The following NUP205 variants were observed in gnomAD, a reference collection of about 807,000 sequenced individuals.
NUP205 encodes nuclear pore complex protein Nup205.
A neutral mutation model predicts 253.8 loss-of-function variants in NUP205; 76 were observed. The observed-to-expected ratio is 0.30, with a 90% CI of 0.25 to 0.36. The LOEUF (loss-of-function observed/expected upper bound fraction) is 0.36. Among genes scored for constraint, NUP205 ranks in the 10% least tolerant of loss-of-function variants. The pLI is 1.00. For missense variants in NUP205, 2,162 were observed against 2,425.5 expected (o/e 0.89, Z 2.28); for synonymous variants, 832 against 850.1 (o/e 0.98, Z 0.37).
chr7:135,588,901 G>A (rs1806545752), intron 10 of NUP205, among the ~76,000 whole-genome samples: 1 of 151,290 alleles, frequency 6.6e-6, no homozygotes, highest in African/African-American at 2.4e-5. Flanking sequence ...AAAATGAATT[G>A]CTATGCAGTA....
chr7:135,575,310 C>T (rs1584642823), intron 3 of NUP205, among the ~76,000 whole-genome samples: 1 of 152,150 alleles, frequency 6.6e-6, no homozygotes, highest in East Asian at 1.9e-4. Flanking sequence ...AGTAAGCATA[C>T]ATCAGGTGGA....
chr7:135,623,013 C>T, intron 31 of NUP205, 88 bp downstream of exon 31: 2 of 1,366,208 alleles, frequency 1.5e-6, no homozygotes, highest in South Asian at 1.3e-5. Context: ...TGTGGTGCCT[C>T]ATGCCTGTAA....
At chr7:135,605,512 C>CAAA (rs1794068781) in intron 19 of NUP205, among the ~76,000 whole-genome samples, 1 of 152,166 alleles carries the variant, frequency 6.6e-6, no homozygotes, top group African/African-American at 2.4e-5. Flanking sequence ...CCACTTATTT[C>CAAA]TAAGTTCCCT....
rs762700289 is a variant in NUP205, at chr7:135,617,121, G to A, written c.3564G>A (p.Ser1188=). 12 of 1,612,112 alleles carry A rather than the reference G, an allele frequency of 7.4e-6. No homozygotes were observed. The highest frequency in any genetic ancestry group is 4.0e-5 in the African/African-American group (3 of 74,714). The change falls in exon 26 of 43, where the codon TCG becomes TCA. Residue 1188 remains serine (S), a synonymous_variant. Coordinates refer to ENST00000285968, the MANE Select transcript of NUP205 (RefSeq NM_015135.3). ...GAAAAATTCTAAATATTCTTGACTC[G>A]ATTGACTTCAGTCAGGAGATCCCTG... ...VRRKILNILD[S]IDFSQEIPEP... is the part of the protein sequence containing the mutation.
intron 18 of NUP205, among the ~76,000 whole-genome samples, 160 bp downstream of exon 18, chr7:135,603,154 C>T (rs1407397497): frequency 5.4e-5 from 7 of 129,408 alleles, no homozygotes; most frequent in East Asian, 2.3e-4. Context: ...CTCGCTCTGT[C>T]GTCCAGGCTA....
intron 28 of NUP205, 24 bp downstream of exon 28, chr7:135,618,627 T>C (rs1390909431): frequency 1.3e-6 from 2 of 1,522,538 alleles, no homozygotes; most frequent in Middle Eastern, 1.8e-4. Context: ...TAAAATACTT[T>C]ATACTGCTGA....
Position 135,643,806 on chromosome 7 carries a change from G to T in NUP205, c.5559+448G>T, listed in dbSNP as rs140696873. 1.3e-3 allele frequency among the ~76,000 whole-genome samples: 196 copies of T among 152,276 alleles called. 2 individuals carry two copies. In the East Asian group the frequency reaches 0.026, roughly 20 times the overall value. On this transcript the variant is annotated intron_variant, in intron 39 of 42. Coordinates refer to ENST00000285968, the MANE Select transcript of NUP205 (RefSeq NM_015135.3). ...CCCAGAAGCATTCCCTCTACTTACA[G>T]TATTAATAACTAAAGATGCTGCATT...
In NUP205 at chr7:135,574,132, C is replaced by T. The variant is rs189269097; in HGVS notation, c.343+307C>T. Among the ~76,000 whole-genome samples the T allele has an allele frequency of 2.0e-5, 3 of 152,086 alleles. No individual in the cohort carries two copies. In the East Asian group the frequency reaches 5.8e-4, roughly 29 times the overall value. ...AGATTACAGGCATGTGCCACCATGC[C>T]CGGCTATCCTTTCTTAACCTTTGAT... On this transcript the variant is annotated intron_variant, in intron 3 of 42. Transcript: ENST00000285968.
rs1437864414 is a variant in NUP205 at position 135,576,413 on chromosome 7, A to G, written c.487A>G (p.Ser163Gly). The G allele has an allele frequency of 1.9e-6, 3 of 1,604,360 alleles. No homozygotes were observed. The South Asian group carries it at 3.4e-5, about 18-fold the overall frequency. ...RRGKTWTLEL[S>G]PELASMTTRF... ...GGGAAAGACATGGACCCTAGAACTC[A>G]GGTCTTTTTACTTCTTGGGATTTCA... Residue 163 changes from serine to glycine, a missense_variant and splice_region_variant, in exon 4 of 43, where the codon AGT becomes GGT. Around this residue, in one of 5 missense-constraint regions of NUP205, gnomAD observed 892 missense variants for 957.1 expected, o/e 0.93. Transcript: ENST00000285968.
intron 17 of NUP205, among the ~76,000 whole-genome samples, chr7:135,602,148 G>C (rs559567886): frequency 6.6e-6 from 1 of 152,264 alleles, no homozygotes; most frequent in Non-Finnish European, 1.5e-5. Context: ...TAATGTGGCT[G>C]TGATCAAAAT....
chr7:135,574,670 G>A (rs554014122), intron 3 of NUP205, among the ~76,000 whole-genome samples: 22 of 152,160 alleles, frequency 1.4e-4, no homozygotes, highest in Non-Finnish European at 2.9e-4. Context: ...ATAATGAAAG[G>A]TATTTGGATT....
chr7:135,617,227 C>G lies in NUP205; in HGVS notation c.3670C>G (p.Gln1224Glu). The G allele has an allele frequency of 6.2e-7, 1 of 1,613,678 alleles. No individual in the cohort carries two copies. ...ANCEHKNLRGQTVCNVKLLHR... is the reference protein window; with the variant it reads ...ANCEHKNLRGETVCNVKLLHR... ...CTGTGAACACAAGAATTTACGGGGA[C>G]AGACAGTCTGCAATGTCAAGGTGAG... The change falls in exon 26 of 43, where the codon CAG becomes GAG. Residue 1224 changes from glutamine to glutamate, a missense_variant. Physicochemically the swap from Gln to Glu is conservative, Grantham distance 29. This residue lies in a region of NUP205 where 1,144 missense variants were observed against 1,280.9 expected (regional missense o/e 0.89). Transcript: ENST00000285968.
intron 27 of NUP205, 114 bp from the exon 28 acceptor site, chr7:135,618,298 C>A: frequency 1.2e-6 from 1 of 804,018 alleles, no homozygotes. Context: ...TGAAAAGATA[C>A]CTGCTTCCTG....
chr7:135,588,672 G>T (rs1806539690), intron 10 of NUP205, among the ~76,000 whole-genome samples: 1 of 150,956 alleles, frequency 6.6e-6, no homozygotes, highest in Non-Finnish European at 1.5e-5. Context: ...AAAGCAGTGG[G>T]ATTACAGGCA....
chr7:135,582,143 G>A (rs1269271154), intron 7 of NUP205, among the ~76,000 whole-genome samples: 2 of 152,112 alleles, frequency 1.3e-5, no homozygotes, highest in Non-Finnish European at 2.9e-5. Context: ...AAAATTAACT[G>A]GGTGTGGTGG....
chr7:135,625,068 CTTCATAT>C lies in NUP205; in HGVS notation c.4480-88_4480-82del, dbSNP rs538400199. The C allele has an allele frequency of 3.0e-4, 281 of 932,390 alleles. 1 individual carries two copies. In the African/African-American group the frequency reaches 4.7e-3, roughly 16 times the overall value. The allele number at this position is 932,390 out of a possible 1,614,324, so 57.8% of individuals were successfully genotyped here. A position where few individuals can be genotyped will look rare whatever the true frequency, so the allele number is the denominator to read the frequency against. On this transcript the variant is annotated intron_variant, in intron 31 of 42. Transcript: ENST00000285968. Reference sequence around the variant, plus strand: ...TAACATTCTCTTTATGAAAAACATTCTTCATATTTCATATCTGATGTCAGATAAATTC... The same window carrying C: ...TAACATTCTCTTTATGAAAAACATTCTTCATATCTGATGTCAGATAAATTC...
intron 23 of NUP205, 103 bp from the exon 24 acceptor site, chr7:135,615,813 G>T: frequency 3.2e-6 from 2 of 624,456 alleles, no homozygotes; most frequent in Non-Finnish European, 2.5e-6. Flanking sequence ...ATAAATTATT[G>T]ACTTTGTTAC....
At chr7:135,580,358 TTC>T (rs1398825239) in intron 7 of NUP205, among the ~76,000 whole-genome samples, 3 of 152,234 alleles carry the variant, frequency 2.0e-5, no homozygotes, top group African/African-American at 7.2e-5. Context: ...CCCGTACAAA[TTC>T]TGTTTCTCAC....
At chr7:135,601,034 G>T in intron 16 of NUP205, 65 bp downstream of exon 16, 2 of 785,978 alleles carry the variant, frequency 2.5e-6, no homozygotes, top group Non-Finnish European at 4.1e-6. Context: ...TTATGGCTAT[G>T]TTATATATAA....
Sources: gnomAD v4.1 joint callset for allele counts (sites outside exome capture counted in the v4.1 genomes callset) on GRCh38, gnomAD v4.1.1 for gene constraint, gnomAD v4.1.1 regional missense constraint, MANE v1.5 for transcripts, NCBI Gene and HGNC (gene_info 2026-07-23, HGNC 2026-07-21) for gene names.